Variants in BIRC3 observed in about 807,000 individuals in gnomAD.
The protein encoded by BIRC3 is baculoviral IAP repeat containing 3, also known as baculoviral IAP repeat-containing protein 3.
A neutral mutation model predicts 59.0 loss-of-function variants in BIRC3; 26 were observed. The ratio of observed to expected loss-of-function variants is 0.44; its 90% CI spans 0.32 to 0.61. The LOEUF (loss-of-function observed/expected upper bound fraction) is 0.61. Among genes scored for constraint, BIRC3 ranks in the 20% least tolerant of loss-of-function variants. The pLI is 0.04. For synonymous variants in BIRC3, 243 were observed against 249.2 expected (o/e 0.98, Z 0.24); for missense variants, 641 against 711.5 (o/e 0.90, Z 1.13).
chr11:102,325,131 T>C lies in BIRC3; in HGVS notation c.622T>C (p.Cys208Arg), dbSNP rs1344380953. The change falls in exon 2 of 9, where the codon TGT becomes CGT. Residue 208 changes from cysteine to arginine, a missense_variant. This residue lies in a region of BIRC3 where 329 missense variants were observed against 365.6 expected (regional missense o/e 0.90). Transcript: ENST00000263464. The stretch of plus-strand genomic sequence containing the variant: ...TGGAGACAGAGTGGCTTGCTTTGCC[T>C]GTGGTGGAAAATTGAGCAATTGGGA... ...GPGDRVACFA[C>R]GGKLSNWEPK... is the part of the protein sequence containing the mutation. 4.3e-6 allele frequency: 7 copies of C among 1,614,068 alleles called. No homozygotes were observed. The highest frequency in any genetic ancestry group is 5.9e-6 in the Non-Finnish European group (7 of 1,180,028).
intron 1 of BIRC3, among the ~76,000 whole-genome samples, chr11:102,317,981 C>T (rs146717774): frequency 2.0e-5 from 3 of 152,114 alleles, no homozygotes; most frequent in Admixed American, 6.5e-5. Context: ...TGTTTCCAAG[C>T]GGTGGTAGGA....
chr11:102,323,604 G>A lies in BIRC3; in HGVS notation c.-906G>A, dbSNP rs893625734. The A allele has an allele frequency of 5.2e-6, 1 of 191,316 alleles. No homozygotes were observed. The allele number at this position is 191,316 out of a possible 1,614,324, so 11.9% of individuals were successfully genotyped here. A position where few individuals can be genotyped will look rare whatever the true frequency, so the allele number is the denominator to read the frequency against. Reference sequence around the variant, plus strand: ...CAATCATATTCCTGATGATCTATGGGAAATAACTATTATTTAATTAATATT... The same window carrying A: ...CAATCATATTCCTGATGATCTATGGAAAATAACTATTATTTAATTAATATT... On this transcript the variant is annotated 5_prime_UTR_variant, in exon 2 of 9. Coordinates refer to ENST00000263464, the MANE Select transcript of BIRC3 (RefSeq NM_001165.5).
intron 6 of BIRC3, among the ~76,000 whole-genome samples, chr11:102,335,163 A>T (rs906759307): frequency 3.0e-4 from 46 of 152,304 alleles, no homozygotes; most frequent in African/African-American, 1.1e-3. Context: ...AATAGCTTTA[A>T]CCTGGGAGGC....
intron 5 of BIRC3, 67 bp downstream of exon 5, chr11:102,329,012 T>G (rs1591522694): frequency 1.4e-5 from 13 of 916,042 alleles, no homozygotes; most frequent in Non-Finnish European, 2.1e-5. Context: ...TATTGAAAGT[T>G]GATAATAGTA....
At chr11:102,331,550 G>A (rs955130229) in intron 6 of BIRC3, among the ~76,000 whole-genome samples, 8 of 151,060 alleles carry the variant, frequency 5.3e-5, no homozygotes, top group African/African-American at 1.5e-4. Flanking sequence ...TTTTCTTAAC[G>A]CTTTGAAAAT....
chr11:102,338,630 C>A lies in BIRC3; in HGVS notation c.*1528C>A. On this transcript the variant is annotated 3_prime_UTR_variant, in exon 9 of 9. Coordinates refer to ENST00000263464, the MANE Select transcript of BIRC3 (RefSeq NM_001165.5). ...GTTCAGATTATTCTTGGTCTCTGTG[C>A]AGCATTCCTTCCTCCTGGATATAGG... The A allele has an allele frequency of 4.4e-6, 1 of 228,982 alleles. No individual in the cohort carries two copies. The highest frequency in any genetic ancestry group is 8.7e-6 in the Non-Finnish European group (1 of 115,356). The allele number at this position is 228,982 out of a possible 1,614,324, so 14.2% of individuals were successfully genotyped here. A position where few individuals can be genotyped will look rare whatever the true frequency, so the allele number is the denominator to read the frequency against.
intron 4 of BIRC3, among the ~76,000 whole-genome samples, 200 bp from the exon 5 acceptor site, chr11:102,328,697 T>TTTAA (rs1951108205): frequency 6.6e-6 from 1 of 152,134 alleles, no homozygotes; most frequent in African/African-American, 2.4e-5. Flanking sequence ...TGAAACTCTA[T>TTTAA]TAGTTTATGG....
intron 6 of BIRC3, among the ~76,000 whole-genome samples, chr11:102,334,962 C>T (rs1369590772): frequency 6.6e-6 from 1 of 152,044 alleles, no homozygotes; most frequent in Non-Finnish European, 1.5e-5. Context: ...TTTTATGGGC[C>T]GGACATAATG....
In BIRC3 at chr11:102,337,109, A is replaced by G. The variant is rs1951204749; in HGVS notation, c.*7A>G. ...TCGTACATTTCTTTCATGAAGAAGA[A>G]CCAAAACATCGTCTAAACTTTAGAA... On this transcript the variant is annotated 3_prime_UTR_variant, in exon 9 of 9. Transcript: ENST00000263464. 6.7e-7 allele frequency: 1 copy of G among 1,482,204 alleles called. No individual in the cohort carries two copies. The highest frequency in any genetic ancestry group is 2.6e-5 in the Admixed American group (1 of 38,020). The allele number at this position is 1,482,204 out of a possible 1,614,324, so 91.8% of individuals were successfully genotyped here. A position where few individuals can be genotyped will look rare whatever the true frequency, so the allele number is the denominator to read the frequency against.
chr11:102,335,134 C>T (rs1266074114), intron 6 of BIRC3, among the ~76,000 whole-genome samples: 1 of 152,130 alleles, frequency 6.6e-6, no homozygotes, highest in Non-Finnish European at 1.5e-5. Flanking sequence ...CCCAACTACT[C>T]AGGAGGCTCA....
chr11:102,324,712 G>C lies in BIRC3; in HGVS notation c.203G>C (p.Cys68Ser). Residue 68 changes from cysteine (C) to serine (S), a missense_variant, in exon 2 of 9, where the codon TGT becomes TCT. Physicochemically the swap from Cys to Ser is moderately radical, Grantham distance 112 (BLOSUM62 -1). Transcript: ENST00000263464. ...TGVNDKVKCF[C>S]CGLMLDNWKR... ...GTGAATGACAAGGTCAAATGCTTCT[G>C]TTGTGGCCTGATGCTGGATAACTGG... is the stretch of plus-strand genomic sequence containing the variant. The C allele has an allele frequency of 1.9e-6, 3 of 1,614,164 alleles. No individual in the cohort carries two copies. Among genetic ancestry groups the C allele is most frequent in the Non-Finnish European group, 1.7e-6 (2 of 1,180,026 alleles).
chr11:102,318,058 C>A (rs773756861), intron 1 of BIRC3, among the ~76,000 whole-genome samples: 18 of 152,138 alleles, frequency 1.2e-4, no homozygotes, highest in Admixed American at 6.5e-5. Context: ...TTACTCTGAT[C>A]AATACATTGT....
In BIRC3 at chr11:102,325,128, G is replaced by C; in HGVS notation, c.619G>C (p.Ala207Pro). 6.2e-7 allele frequency: 1 copy of C among 1,614,124 alleles called. No individual in the cohort carries two copies. Residue 207 changes from alanine (A) to proline (P), a missense_variant, in exon 2 of 9, where the codon GCC (alanine) becomes CCC (proline). Coordinates refer to ENST00000263464, the MANE Select transcript of BIRC3 (RefSeq NM_001165.5). ...ACCTGGAGACAGAGTGGCTTGCTTT[G>C]CCTGTGGTGGAAAATTGAGCAATTG... Reference protein sequence around the residue: ...IGPGDRVACFACGGKLSNWEP... With the variant: ...IGPGDRVACFPCGGKLSNWEP...
At chr11:102,327,826 T>G (rs1165274810) in intron 3 of BIRC3, among the ~76,000 whole-genome samples, 3 of 149,208 alleles carry the variant, frequency 2.0e-5, no homozygotes, top group Admixed American at 6.7e-5. Flanking sequence ...AGAAAAAAAG[T>G]TTTTTTTTTA....
intron 6 of BIRC3, among the ~76,000 whole-genome samples, chr11:102,334,764 A>G (rs751840610): frequency 5.2e-4 from 79 of 152,348 alleles, no homozygotes; most frequent in Non-Finnish European, 9.4e-4. Context: ...TGGATACAAA[A>G]TCTAGGTCTT....
At position 102,330,961 on chromosome 11, in the gene BIRC3, G is replaced by T. The variant is rs753742949; in HGVS notation, c.1082-38G>T. 9 of 1,516,970 alleles carry T rather than the reference G, an allele frequency of 5.9e-6. No individual in the cohort carries two copies. The Admixed American group carries it at 6.9e-5, about 12-fold the overall frequency. 94.0% of individuals were successfully genotyped at this position (1,516,970 alleles called of 1,614,324 possible). A position where few individuals can be genotyped will look rare whatever the true frequency, so the allele number is the denominator to read the frequency against. The stretch of plus-strand genomic sequence containing the variant: ...AATTTCAATTTTTAAGAAATATAAG[G>T]CTATCCTAATATGTGTTAAATTCTT... On this transcript the variant is annotated intron_variant, in intron 5 of 8. Coordinates refer to ENST00000263464, the MANE Select transcript of BIRC3 (RefSeq NM_001165.5).
intron 1 of BIRC3, among the ~76,000 whole-genome samples, chr11:102,320,592 C>T (rs1044117661): frequency 1.7e-4 from 26 of 152,206 alleles, no homozygotes; most frequent in Non-Finnish European, 5.9e-5. Flanking sequence ...TAAATGAAAG[C>T]ATACTCTGTT....
rs138752976 is a variant in BIRC3, at chr11:102,336,134, C to T, written c.1493C>T (p.Thr498Met). The change falls in exon 7 of 9, where the codon ACG becomes ATG. Residue 498 changes from threonine to methionine, a missense_variant. Thr to Met is a moderately conservative substitution (Grantham distance 81). Transcript: ENST00000263464. ...TSLQARELID[T>M]ILVKGNIAAT... ...TTACAAGCAAGAGAACTGATTGATA[C>T]GATTTTAGTAAAAGGAAATATTGCA... The T allele has an allele frequency of 3.5e-5, 57 of 1,613,598 alleles. No individual in the cohort carries two copies. The highest frequency in any genetic ancestry group is 3.5e-4 in the African/African-American group (26 of 74,866).
Position 102,324,888 on chromosome 11 carries a change from G to A in BIRC3, c.379G>A (p.Gly127Ser), listed in dbSNP as rs758535139. 2.5e-6 allele frequency: 4 copies of A among 1,614,030 alleles called. No individual in the cohort carries two copies. Among genetic ancestry groups the A allele is most frequent in the Admixed American group, 3.3e-5 (2 of 59,996 alleles). ...AAATTCCACACACTCATTACTTCCG[G>A]GTACAGAAAACAGTGGATATTTCCG... ...VTNSTHSLLPGTENSGYFRGS... is the reference protein window; with the variant it reads ...VTNSTHSLLPSTENSGYFRGS... The change falls in exon 2 of 9, where the codon GGT (glycine) becomes AGT (serine). Residue 127 changes from glycine to serine, a missense_variant. By Grantham distance (56) the Gly-to-Ser change is moderately conservative (BLOSUM62 0). Around this residue, in one of 4 missense-constraint regions of BIRC3, gnomAD observed 329 missense variants for 365.6 expected, o/e 0.90. Transcript: ENST00000263464.
Sources: allele counts gnomAD v4.1 joint callset (sites outside exome capture counted in the v4.1 genomes callset), GRCh38; gene constraint gnomAD v4.1.1; regional missense constraint gnomAD v4.1.1; transcripts MANE v1.5; gene names NCBI Gene and HGNC (gene_info 2026-07-23, HGNC 2026-07-21).